Variants in ITPR1 observed in about 807,000 individuals in gnomAD.
The protein encoded by ITPR1 is inositol 1,4,5-trisphosphate-gated calcium channel ITPR1.
ITPR1 carries 96 observed loss-of-function variants against 318.4 expected under a neutral mutation model. The observed-to-expected ratio is 0.30, with a 90% CI of 0.26 to 0.36. The LOEUF is 0.36. Ranked by LOEUF, ITPR1 falls within the 10% of genes least tolerant of loss-of-function variation. The pLI, the probability that ITPR1 is intolerant of heterozygous loss-of-function variation, is 1.00. For synonymous variants in ITPR1, 1,312 were observed against 1,289.9 expected (o/e 1.02, Z -0.37); for missense variants, 2,440 against 3,460.2 (o/e 0.71, Z 7.40).
intron 2 of ITPR1, among the ~76,000 whole-genome samples, chr3:4,506,198 C>A (rs1054568773): frequency 6.6e-6 from 1 of 152,178 alleles, no homozygotes; most frequent in Admixed American, 6.5e-5. Flanking sequence ...AGAAGGCCAA[C>A]TTTTTACCCT....
intron 60 of ITPR1, among the ~76,000 whole-genome samples, chr3:4,835,391 T>C (rs3792515): frequency 0.83 from 126,805 of 152,132 alleles, 53,762 homozygotes; most frequent in Non-Finnish European, 0.92. Flanking sequence ...TAAAGTTTTA[T>C]TGGAACATGG....
chr3:4,673,652 G>A (rs137942749), intron 21 of ITPR1, among the ~76,000 whole-genome samples: 112 of 152,218 alleles, frequency 7.4e-4, no homozygotes, highest in African/African-American at 2.4e-3. Context: ...GCGCAATCTC[G>A]GCTCACTACA....
chr3:4,652,569 A>G (rs113027196), intron 11 of ITPR1, among the ~76,000 whole-genome samples: 73 of 152,350 alleles, frequency 4.8e-4, no homozygotes, highest in African/African-American at 1.7e-3. Context: ...AGGCTGCAGC[A>G]GAAACATGAT....
At position 4,493,385 on chromosome 3, in the gene ITPR1, C is replaced by G. The variant is rs2080288383; in HGVS notation, c.-313C>G. The G allele has an allele frequency of 6.5e-6, 1 of 154,320 alleles. No homozygotes were observed. Among genetic ancestry groups the G allele is most frequent in the African/African-American group, 2.4e-5 (1 of 41,418 alleles). 9.6% of individuals were successfully genotyped at this position (154,320 alleles called of 1,614,324 possible). A position where few individuals can be genotyped will look rare whatever the true frequency, so the allele number is the denominator to read the frequency against. On this transcript the variant is annotated 5_prime_UTR_variant, in exon 1 of 62. Transcript: ENST00000649015. Reference sequence around the variant, plus strand: ...TGGATGTGCTGCTGAAGCGTTTCCTCAAGCTCGCTGGGGTGGGAGGAGAGG... The same window carrying G: ...TGGATGTGCTGCTGAAGCGTTTCCTGAAGCTCGCTGGGGTGGGAGGAGAGG...
chr3:4,663,256 A>G (rs2125193689), intron 16 of ITPR1, 50 bp downstream of exon 16: 1 of 1,549,690 alleles, frequency 6.5e-7, no homozygotes, highest in Non-Finnish European at 8.8e-7. Context: ...GAAATCATAA[A>G]GCATGAGTGG....
chr3:4,531,884 G>A (rs966586408), intron 4 of ITPR1, among the ~76,000 whole-genome samples: 2 of 152,150 alleles, frequency 1.3e-5, no homozygotes, highest in African/African-American at 4.8e-5. Flanking sequence ...GACCCTGTGG[G>A]TTTGGCTCTC....
chr3:4,768,880 G>T, intron 46 of ITPR1, 116 bp downstream of exon 46: 1 of 1,004,098 alleles, frequency 1.0e-6, no homozygotes, highest in Non-Finnish European at 1.5e-6. Context: ...CAAGGATCCA[G>T]CAAGGTTCTT....
At chr3:4,625,061 A>G (rs899316934) in intron 4 of ITPR1, among the ~76,000 whole-genome samples, 2 of 152,216 alleles carry the variant, frequency 1.3e-5, no homozygotes, top group African/African-American at 2.4e-5. Flanking sequence ...TATCTTTCAT[A>G]TGCAGTAGAA....
chr3:4,585,052 C>A (rs905795467), intron 4 of ITPR1, among the ~76,000 whole-genome samples: 4 of 152,152 alleles, frequency 2.6e-5, no homozygotes, highest in African/African-American at 9.7e-5. Flanking sequence ...GTGAGACCCA[C>A]CCTCCGAGGG....
At chr3:4,669,603 C>A in intron 18 of ITPR1, 51 bp from the exon 19 acceptor site, 4 of 1,549,144 alleles carry the variant, frequency 2.6e-6, no homozygotes, top group South Asian at 2.4e-5. Context: ...GGTCCAGGAG[C>A]CTAACCTCTG....
rs373017056 is a variant in ITPR1, at chr3:4,735,117, T to A, written c.5354-47T>A. The A allele has an allele frequency of 3.4e-6, 5 of 1,472,002 alleles. No homozygotes were observed. In the African/African-American group the frequency reaches 5.5e-5, roughly 16 times the overall value. The allele number at this position is 1,472,002 out of a possible 1,614,324, so 91.2% of individuals were successfully genotyped here. ...TGCGTAGTAAGTATGCAGCAAACAT[T>A]AGCTGTTCTGATTGTGCTTAGTAAA... is the stretch of plus-strand genomic sequence containing the variant. On this transcript the variant is annotated intron_variant, in intron 43 of 61. Transcript: ENST00000649015.
rs1476438585 is a variant in ITPR1, at chr3:4,766,693, C to A, written c.5708C>A (p.Ala1903Asp). The A allele has an allele frequency of 2.5e-6, 4 of 1,599,502 alleles. No homozygotes were observed. Among genetic ancestry groups the A allele is most frequent in the South Asian group, 1.1e-5 (1 of 88,802 alleles). ...KKKDDEVDRD[A>D]PSRKKAKEPT... is the part of the protein sequence containing the mutation. ...AAAGACGATGAGGTAGACAGGGATG[C>A]CCCATCACGGAAAAAAGGTAAATGT... Residue 1903 changes from alanine to aspartate, a missense_variant, in exon 45 of 62, where the codon GCC becomes GAC. By Grantham distance (126) the Ala-to-Asp change is moderately radical. Around this residue, in one of 23 missense-constraint regions of ITPR1, gnomAD observed 113 missense variants for 103.6 expected, o/e 1.09. Transcript: ENST00000649015.
chr3:4,735,384 C>T (rs370997281), intron 44 of ITPR1, 30 bp downstream of exon 44: 12 of 1,575,250 alleles, frequency 7.6e-6, no homozygotes, highest in Middle Eastern at 1.8e-4. Context: ...ACTGGTATGG[C>T]ATCCCTGCTG....
chr3:4,561,372 G>T (rs1049156253), intron 4 of ITPR1, among the ~76,000 whole-genome samples: 1 of 152,182 alleles, frequency 6.6e-6, no homozygotes, highest in Admixed American at 6.5e-5. Context: ...TATTGAGACC[G>T]AGTGGTTAAT....
chr3:4,575,019 C>T (rs185191520), intron 4 of ITPR1, among the ~76,000 whole-genome samples: 1 of 152,362 alleles, frequency 6.6e-6, no homozygotes, highest in African/African-American at 2.4e-5. Flanking sequence ...ATGGTGCTTA[C>T]ACATGGGTGT....
At chr3:4,707,220 A>G (rs1257135318) in intron 37 of ITPR1, among the ~76,000 whole-genome samples, 2 of 152,242 alleles carry the variant, frequency 1.3e-5, no homozygotes, top group Admixed American at 1.3e-4. Context: ...AGTAAATCAC[A>G]ACAATTACCT....
At chr3:4,737,197 T>C (rs2043335488) in intron 44 of ITPR1, among the ~76,000 whole-genome samples, 1 of 152,102 alleles carries the variant, frequency 6.6e-6, no homozygotes, top group South Asian at 2.1e-4. Context: ...GTTTGAGAAA[T>C]CCCAGAATCT....
At chr3:4,784,573 T>G (rs544102065) in intron 51 of ITPR1, among the ~76,000 whole-genome samples, 52 of 145,538 alleles carry the variant, frequency 3.6e-4, no homozygotes, top group South Asian at 1.9e-3. Context: ...TTTGTTTTTT[T>G]TTTTTTTTTA....
intron 33 of ITPR1, among the ~76,000 whole-genome samples, chr3:4,696,254 A>C (rs1394132429): frequency 6.6e-6 from 1 of 152,194 alleles, no homozygotes; most frequent in Non-Finnish European, 1.5e-5. Flanking sequence ...CCCCATGCCC[A>C]TTAGCAGTCA....
Sources: allele counts gnomAD v4.1 joint callset (sites outside exome capture counted in the v4.1 genomes callset), GRCh38; gene constraint gnomAD v4.1.1; regional missense constraint gnomAD v4.1.1; transcripts MANE v1.5; gene names NCBI Gene and HGNC (gene_info 2026-07-23, HGNC 2026-07-21).